Variants in SUPT3H observed in about 807,000 individuals in gnomAD.
The protein encoded by SUPT3H is transcription initiation protein SPT3 homolog.
Under a neutral mutation model 44.3 loss-of-function variants are expected in SUPT3H, and 44 were observed. The observed-to-expected ratio is 0.99, with a 90% CI of 0.78 to 1.28. The LOEUF is 1.28. Ranked by LOEUF, SUPT3H falls within the 50% of genes most tolerant of loss-of-function variation. SUPT3H has a pLI of 0.00. For synonymous variants in SUPT3H, 124 were observed against 125.6 expected (o/e 0.99, Z 0.09); for missense variants, 380 against 387.1 (o/e 0.98, Z 0.15).
chr6:44,810,892 C>A (rs552327054), intron 11 of SUPT3H, among the ~76,000 whole-genome samples: 1 of 146,800 alleles, frequency 6.8e-6, no homozygotes, highest in Non-Finnish European at 1.5e-5. Context: ...GATGACAGAG[C>A]GAGAGACTCC....
intron 10 of SUPT3H, among the ~76,000 whole-genome samples, chr6:44,913,575 C>A (rs1196897415): frequency 1.3e-5 from 2 of 152,084 alleles, no homozygotes; most frequent in African/African-American, 4.8e-5. Context: ...ACATAACTTC[C>A]AAATTTGAAA....
Position 45,099,244 on chromosome 6 carries a change from C to T in SUPT3H, c.186+6678G>A, listed in dbSNP as rs78102169. The T allele has an allele frequency of 1.3e-3, 246 of 195,578 alleles. 2 individuals carry two copies. The highest frequency in any genetic ancestry group is 5.6e-3 in the African/African-American group (234 of 42,064). The allele number at this position is 195,578 out of a possible 1,614,324, so 12.1% of individuals were successfully genotyped here. A position where few individuals can be genotyped will look rare whatever the true frequency, so the allele number is the denominator to read the frequency against. ...ACCCTCAGAGGATGGGAGCTCATGC[C>T]AGAAAACATAGGAAACCCTAGCACA... On this transcript the variant is annotated intron_variant, in intron 3 of 10. Coordinates refer to ENST00000371459, the MANE Select transcript of SUPT3H (RefSeq NM_003599.4).
At chr6:45,220,762 G>A (rs1765905162) in intron 2 of SUPT3H, among the ~76,000 whole-genome samples, 1 of 152,190 alleles carries the variant, frequency 6.6e-6, no homozygotes, top group Admixed American at 6.5e-5. Flanking sequence ...CAGGACACAG[G>A]CATGGGCAAG....
intron 2 of SUPT3H, among the ~76,000 whole-genome samples, chr6:45,115,037 A>T (rs529304116): frequency 6.6e-6 from 1 of 152,294 alleles, no homozygotes; most frequent in African/African-American, 2.4e-5. Flanking sequence ...ACTGAAATTT[A>T]GTCAAAAAAC....
rs1475062521 is a variant in SUPT3H at position 45,063,839 on chromosome 6, T to G, written c.186+42083A>C. ...AGACCAAATCTACGTCTGATTGGTG[T>G]ACCTGAAAGTGACAGGGAGAATGGA... On this transcript the variant is annotated intron_variant, in intron 3 of 10. Transcript: ENST00000371459. Among the ~76,000 whole-genome samples, 4 of 142,170 alleles carry G rather than the reference T, an allele frequency of 2.8e-5. 1 individual carries two copies. The highest frequency in any genetic ancestry group is 8.0e-5 in the African/African-American group (3 of 37,624). 93.3% of individuals were successfully genotyped at this position (142,170 alleles called of 152,430 possible). A position where few individuals can be genotyped will look rare whatever the true frequency, so the allele number is the denominator to read the frequency against.
At chr6:45,252,268 G>A (rs762996529) in intron 2 of SUPT3H, among the ~76,000 whole-genome samples, 42 of 152,080 alleles carry the variant, frequency 2.8e-4, no homozygotes, top group Non-Finnish European at 5.7e-4. Flanking sequence ...ATGAGAGAGA[G>A]GTAAACTGAC....
At chr6:44,906,518 C>T (rs555733617) in intron 10 of SUPT3H, among the ~76,000 whole-genome samples, 2 of 152,282 alleles carry the variant, frequency 1.3e-5, no homozygotes, top group South Asian at 4.1e-4. Context: ...AATCGCAGCG[C>T]TTTGGGAGGC....
At chr6:45,028,476 CT>C (rs35259133) in intron 3 of SUPT3H, among the ~76,000 whole-genome samples, 47,303 of 151,110 alleles carry the variant, frequency 0.31, 9,035 homozygotes, top group East Asian at 0.55. Flanking sequence ...CAGTTCTCAC[CT>C]GCTATTTAGT....
rs778776370 is a variant in SUPT3H, at chr6:45,231,468, C to T, written c.102-125462G>A. ...TTCTACTGAGAAAGCTGCTCTTAGT[C>T]TGATGGGGCTCTTTTATAGGTGACT... is the stretch of plus-strand genomic sequence containing the variant. On this transcript the variant is annotated intron_variant, in intron 2 of 10. Transcript: ENST00000371459. Among the ~76,000 whole-genome samples, 79 of 152,296 alleles carry T rather than the reference C, an allele frequency of 5.2e-4. 1 individual carries two copies. The highest frequency in any genetic ancestry group is 8.8e-4 in the Non-Finnish European group (60 of 68,028).
intron 2 of SUPT3H, among the ~76,000 whole-genome samples, chr6:45,355,845 A>T (rs1793060191): frequency 6.6e-6 from 1 of 152,292 alleles, no homozygotes; most frequent in Admixed American, 6.5e-5. Flanking sequence ...AACCAAAAAG[A>T]ATGTTATTTT....
intron 10 of SUPT3H, among the ~76,000 whole-genome samples, chr6:44,844,742 G>T (rs943450279): frequency 6.6e-6 from 1 of 152,144 alleles, no homozygotes; most frequent in Non-Finnish European, 1.5e-5. Context: ...GGATGGTAGG[G>T]GTAGAGGACT....
chr6:45,093,912 T>C (rs1797459745), intron 3 of SUPT3H, among the ~76,000 whole-genome samples: 2 of 152,134 alleles, frequency 1.3e-5, no homozygotes, highest in Non-Finnish European at 2.9e-5. Context: ...AAACAAATTA[T>C]ATTCTACACA....
chr6:44,877,286 GT>G (rs1408828406), intron 10 of SUPT3H, among the ~76,000 whole-genome samples: 4 of 152,084 alleles, frequency 2.6e-5, no homozygotes, highest in Non-Finnish European at 5.9e-5. Context: ...GGTCAACATG[GT>G]GAAACCCTGT....
chr6:45,332,211 T>TC (rs1207133212), intron 2 of SUPT3H, among the ~76,000 whole-genome samples: 2 of 151,860 alleles, frequency 1.3e-5, no homozygotes, highest in African/African-American at 4.8e-5. Context: ...ACTTTTTTTT[T>TC]CAACAAATAT....
intron 2 of SUPT3H, among the ~76,000 whole-genome samples, chr6:45,253,848 C>CATATATATATATATATATATATAT (rs34256293): frequency 0.017 from 1,520 of 87,948 alleles, 45 homozygotes; most frequent in Non-Finnish European, 0.023. Context: ...CACATATACG[C>CATATATATATATATATATATATAT]ATATATATAT....
At chr6:45,284,018 A>T (rs1226357087) in intron 2 of SUPT3H, among the ~76,000 whole-genome samples, 1 of 152,248 alleles carries the variant, frequency 6.6e-6, no homozygotes, top group East Asian at 1.9e-4. Context: ...AAATGAAAAC[A>T]GAAATAAAGA....
intron 3 of SUPT3H, among the ~76,000 whole-genome samples, chr6:45,082,624 T>C (rs1370581147): frequency 3.9e-5 from 6 of 152,024 alleles, no homozygotes; most frequent in Non-Finnish European, 8.8e-5. Context: ...CTCAAGAAAC[T>C]AGGCATCAAA....
intron 6 of SUPT3H, among the ~76,000 whole-genome samples, chr6:44,971,472 G>A (rs572701791): frequency 2.3e-4 from 35 of 152,224 alleles, no homozygotes; most frequent in South Asian, 1.2e-3. Context: ...TTCACGTGAT[G>A]GCAGGAAGGA....
At chr6:44,867,084 T>C (rs1775623668) in intron 10 of SUPT3H, among the ~76,000 whole-genome samples, 1 of 152,058 alleles carries the variant, frequency 6.6e-6, no homozygotes, top group African/African-American at 2.4e-5. Flanking sequence ...CTATGATTAC[T>C]GAAATTTGGG....
Sources: allele counts gnomAD v4.1 joint callset (sites outside exome capture counted in the v4.1 genomes callset), GRCh38; gene constraint gnomAD v4.1.1; transcripts MANE v1.5; gene names NCBI Gene and HGNC (gene_info 2026-07-23, HGNC 2026-07-21).